The following RPS6KL1 variants were observed in gnomAD, a reference collection of about 807,000 sequenced individuals.
The protein encoded by RPS6KL1 is ribosomal protein S6 kinase like 1.
A neutral mutation model predicts 57.0 loss-of-function variants in RPS6KL1; 41 were observed. That is an observed-to-expected ratio of 0.72 (90% CI 0.56 to 0.93). The LOEUF (loss-of-function observed/expected upper bound fraction) is 0.93, where lower values mean the gene tolerates loss of function less well. Ranked by LOEUF, RPS6KL1 falls within the 40% of genes least tolerant of loss-of-function variation. The pLI, the probability that RPS6KL1 is intolerant of heterozygous loss-of-function variation, is 0.00. For synonymous variants in RPS6KL1, 287 were observed against 309.7 expected (o/e 0.93, Z 0.77); for missense variants, 697 against 727.7 (o/e 0.96, Z 0.49).
rs146184807 is a variant in RPS6KL1, at chr14:74,913,936, G to C, written c.484-2095C>G. 7.2e-5 allele frequency among the ~76,000 whole-genome samples: 11 copies of C among 152,356 alleles called. No homozygotes were observed. In the East Asian group the frequency reaches 2.1e-3, roughly 29 times the overall value. On this transcript the variant is annotated intron_variant, in intron 5 of 11. Transcript: ENST00000557413. ...CCAAAATTCAGGCCTGAGCCTCAGAGAGGTTATGTTGCCTACTGTCCCACT... is the reference window on the plus strand; with the variant it reads ...CCAAAATTCAGGCCTGAGCCTCAGACAGGTTATGTTGCCTACTGTCCCACT...
rs1199128123 is a variant in RPS6KL1, at chr14:74,906,295, AAG to A, written c.*717_*718del. 3.0e-6 allele frequency: 1 copy of A among 333,318 alleles called. No individual in the cohort carries two copies. The highest frequency in any genetic ancestry group is 6.0e-6 in the Non-Finnish European group (1 of 166,404). 20.6% of individuals were successfully genotyped at this position (333,318 alleles called of 1,614,324 possible). A position where few individuals can be genotyped will look rare whatever the true frequency, so the allele number is the denominator to read the frequency against. Reference sequence around the variant, plus strand: ...TTGATTCTGGTTTCAGACTTGCTCTAAGGGGCAGACCCATGCATTCCTTCCTC... The same window carrying A: ...TTGATTCTGGTTTCAGACTTGCTCTAGGGCAGACCCATGCATTCCTTCCTC... On this transcript the variant is annotated 3_prime_UTR_variant, in exon 12 of 12. Transcript: ENST00000557413.
chr14:74,907,298 T>C (rs1594898804), intron 11 of RPS6KL1, 137 bp downstream of exon 11: 4 of 1,430,382 alleles, frequency 2.8e-6, no homozygotes, highest in African/African-American at 2.9e-5. Context: ...CATATAGAAA[T>C]GTGTTGCCCC....
In RPS6KL1 at chr14:74,919,980, C is replaced by G; in HGVS notation, c.266-11G>C. 1 of 1,614,054 alleles carries G rather than the reference C, an allele frequency of 6.2e-7. No individual in the cohort carries two copies. Among genetic ancestry groups the G allele is most frequent in the Non-Finnish European group, 8.5e-7 (1 of 1,179,984 alleles). On this transcript the variant is annotated splice_polypyrimidine_tract_variant and intron_variant, in intron 3 of 11. Coordinates refer to ENST00000557413, the MANE Select transcript of RPS6KL1 (RefSeq NM_031464.5). ...CCTTGTTGGGGTCAACTGTGGGAGA[C>G]AAGAGTCACCAGGGTCCCCAGCCAT...
chr14:74,909,974 G>C lies in RPS6KL1; in HGVS notation c.839C>G (p.Pro280Arg). Residue 280 changes from proline (P) to arginine (R), a missense_variant, in exon 8 of 12, where the codon CCT (proline) becomes CGT (arginine). Physicochemically the swap from Pro to Arg is moderately radical, Grantham distance 103. Transcript: ENST00000557413. ...GAGAAGGTTCGGAGAAGTCCTAGGA[G>C]GCTCCAGGGCGATTCTGTCCTGGCC... ...APGQDRIALEPPRTSPNLLLA... is the reference protein window; with the variant it reads ...APGQDRIALERPRTSPNLLLA... 1 of 1,614,134 alleles carries C rather than the reference G, an allele frequency of 6.2e-7. No homozygotes were observed. The highest frequency in any genetic ancestry group is 8.5e-7 in the Non-Finnish European group (1 of 1,179,984).
rs891924518 is a variant in RPS6KL1 at position 74,906,961 on chromosome 14, G to T, written c.*53C>A. 3.5e-5 allele frequency: 48 copies of T among 1,373,180 alleles called. No individual in the cohort carries two copies. The highest frequency in any genetic ancestry group is 4.0e-5 in the Non-Finnish European group (39 of 968,578). The allele number at this position is 1,373,180 out of a possible 1,614,324, so 85.1% of individuals were successfully genotyped here. The stretch of plus-strand genomic sequence containing the variant: ...AGCCCTGGGTTGGGTGTCAGGCAAG[G>T]AGGAGAGGCGATCCAGACCAGGCCA... On this transcript the variant is annotated 3_prime_UTR_variant, in exon 12 of 12. Coordinates refer to ENST00000557413, the MANE Select transcript of RPS6KL1 (RefSeq NM_031464.5).
rs372377601 is a variant in RPS6KL1 at position 74,906,543 on chromosome 14, A to G, written c.*471T>C. The G allele has an allele frequency of 1.1e-5, 6 of 523,368 alleles. No individual in the cohort carries two copies. The East Asian group carries it at 3.3e-4, about 29-fold the overall frequency. The allele number at this position is 523,368 out of a possible 1,614,324, so 32.4% of individuals were successfully genotyped here. A position where few individuals can be genotyped will look rare whatever the true frequency, so the allele number is the denominator to read the frequency against. ...AAGAGGCCTACTCGCTGTGTGACTAAGAGGACTAGCCAGGACAGTCTGGTT... is the reference window on the plus strand; with the variant it reads ...AAGAGGCCTACTCGCTGTGTGACTAGGAGGACTAGCCAGGACAGTCTGGTT... On this transcript the variant is annotated 3_prime_UTR_variant, in exon 12 of 12. Transcript: ENST00000557413.
rs945584027 is a variant in RPS6KL1 at position 74,905,470 on chromosome 14, G to A, written c.*1544C>T. On this transcript the variant is annotated 3_prime_UTR_variant, in exon 12 of 12. Transcript: ENST00000557413. Reference sequence around the variant, plus strand: ...TTCCCCACAGAACCTGGTCCTCCCCGACCCCACCCCTTCCCCTGAGGCCCA... The same window carrying A: ...TTCCCCACAGAACCTGGTCCTCCCCAACCCCACCCCTTCCCCTGAGGCCCA... 1.1e-4 allele frequency: 16 copies of A among 140,794 alleles called. No individual in the cohort carries two copies. The highest frequency in any genetic ancestry group is 3.9e-4 in the African/African-American group (15 of 38,842). The allele number at this position is 140,794 out of a possible 1,614,324, so 8.7% of individuals were successfully genotyped here.
chr14:74,921,238 T>TGCCCCCCCCCCCCCCC, intron 3 of RPS6KL1, 39 bp downstream of exon 3: 71 of 839,998 alleles, frequency 8.5e-5, no homozygotes, highest in Middle Eastern at 2.6e-4. Flanking sequence ...CACTGGCCCT[T>TGCCCCCCCCCCCCCCC]CCCCACCCAC....
intron 4 of RPS6KL1, 28 bp from the exon 5 acceptor site, chr14:74,918,633 C>G: frequency 6.6e-7 from 1 of 1,511,778 alleles, no homozygotes; most frequent in Non-Finnish European, 8.9e-7. Context: ...AGGCCACACA[C>G]AGCCTCAGGG....
rs572183462 is a variant in RPS6KL1 at position 74,917,410 on chromosome 14, G to T, written c.483+1103C>A. The stretch of plus-strand genomic sequence containing the variant: ...ATCCTCTTGCCTGTGGGAAGTACAG[G>T]ACTGTCTCCTTTTCTCTGTGGGCCC... On this transcript the variant is annotated intron_variant, in intron 5 of 11. Transcript: ENST00000557413. Among the ~76,000 whole-genome samples the T allele has an allele frequency of 2.0e-5, 3 of 152,300 alleles. No individual in the cohort carries two copies. The South Asian group carries it at 6.2e-4, about 32-fold the overall frequency.
rs575711760 is a variant in RPS6KL1, at chr14:74,916,210, T to C, written c.483+2303A>G. Among the ~76,000 whole-genome samples, 40 of 152,302 alleles carry C rather than the reference T, an allele frequency of 2.6e-4. No homozygotes were observed. In the South Asian group the frequency reaches 8.3e-3, roughly 32 times the overall value. On this transcript the variant is annotated intron_variant, in intron 5 of 11. Transcript: ENST00000557413. ...GTGGAATGGAACAAGGGTGACAGTA[T>C]ATCCAAGTCTGGCTGCAGGGACCCA... is the stretch of plus-strand genomic sequence containing the variant.
rs1167086045 is a variant in RPS6KL1 at position 74,906,404 on chromosome 14, GGGGGT to G, written c.*605_*609del. On this transcript the variant is annotated 3_prime_UTR_variant, in exon 12 of 12. Coordinates refer to ENST00000557413, the MANE Select transcript of RPS6KL1 (RefSeq NM_031464.5). The stretch of plus-strand genomic sequence containing the variant: ...AAGATAGGGGGCATGGTCAGGAATC[GGGGGT>G]GGGGGGGTGGGGGTGGGGGTCATCC... 1.7e-5 allele frequency: 5 copies of G among 298,764 alleles called. No individual in the cohort carries two copies. Among genetic ancestry groups the G allele is most frequent in the African/African-American group, 8.4e-5 (2 of 23,680 alleles). 18.5% of individuals were successfully genotyped at this position (298,764 alleles called of 1,614,324 possible).
rs201469026 is a variant in RPS6KL1 at position 74,909,865 on chromosome 14, C to G, written c.948G>C (p.Ser316=). 1 of 1,613,358 alleles carries G rather than the reference C, an allele frequency of 6.2e-7. No homozygotes were observed. Among genetic ancestry groups the G allele is most frequent in the South Asian group, 1.1e-5 (1 of 90,982 alleles). The change falls in exon 8 of 12, where the codon TCG becomes TCC. Residue 316 remains serine (S), a synonymous_variant. Coordinates refer to ENST00000557413, the MANE Select transcript of RPS6KL1 (RefSeq NM_031464.5). ...GGCCACCTGGGGCCTTTGGAAGGTC[C>G]GAGGAGCCAGAGGTGCTGGTCCTGG... ...PTARTSTSGS[S]DLPKAPGGHL...
chr14:74,921,675 G>C (rs904231291), intron 2 of RPS6KL1, 114 bp from the exon 3 acceptor site: 1 of 1,468,764 alleles, frequency 6.8e-7, no homozygotes. Flanking sequence ...AAAGACTGAA[G>C]GGGTCAGAGC....
chr14:74,907,225 T>G (rs1236718284), intron 11 of RPS6KL1, 101 bp from the exon 12 acceptor site: 17 of 1,358,700 alleles, frequency 1.3e-5, no homozygotes, highest in Non-Finnish European at 1.6e-5. Context: ...GCCTGCTCCC[T>G]GGCAGCCTGG....
Position 74,911,220 on chromosome 14 carries a change from G to A in RPS6KL1, c.664+28C>T, listed in dbSNP as rs370728276. The A allele has an allele frequency of 2.5e-6, 4 of 1,606,156 alleles. No individual in the cohort carries two copies. The African/African-American group carries it at 5.3e-5, about 21-fold the overall frequency. On this transcript the variant is annotated intron_variant, in intron 7 of 11. Coordinates refer to ENST00000557413, the MANE Select transcript of RPS6KL1 (RefSeq NM_031464.5). ...ACGACATACCCCAAAGGCCTGGGGA[G>A]CTGACAGGGGGCCCCAGGCCTGCTC... is the stretch of plus-strand genomic sequence containing the variant.
chr14:74,916,257 T>C (rs556272611), intron 5 of RPS6KL1, among the ~76,000 whole-genome samples: 1 of 152,100 alleles, frequency 6.6e-6, no homozygotes, highest in Non-Finnish European at 1.5e-5. Flanking sequence ...AGTAACACCT[T>C]TCCTAATTTG....
chr14:74,908,210 C>T (rs934859322), intron 10 of RPS6KL1, among the ~76,000 whole-genome samples: 9 of 152,210 alleles, frequency 5.9e-5, no homozygotes, highest in African/African-American at 1.4e-4. Context: ...GCATCCATTT[C>T]GGCTATTTCC....
At position 74,904,466 on chromosome 14, in the gene RPS6KL1, A is replaced by T. The variant is rs999676898; in HGVS notation, c.*2548T>A. 3.3e-5 allele frequency: 5 copies of T among 152,176 alleles called. No homozygotes were observed. Among genetic ancestry groups the T allele is most frequent in the Non-Finnish European group, 5.9e-5 (4 of 68,026 alleles). 9.4% of individuals were successfully genotyped at this position (152,176 alleles called of 1,614,324 possible). A position where few individuals can be genotyped will look rare whatever the true frequency, so the allele number is the denominator to read the frequency against. ...TGGCCCGAACTAGCGTTTCAGGTTA[A>T]CTTTGGAATACCCTTGACTGAGACG... On this transcript the variant is annotated 3_prime_UTR_variant, in exon 12 of 12. Transcript: ENST00000557413.
Sources: allele counts gnomAD v4.1 joint callset (sites outside exome capture counted in the v4.1 genomes callset), GRCh38; gene constraint gnomAD v4.1.1; transcripts MANE v1.5; gene names NCBI Gene and HGNC (gene_info 2026-07-23, HGNC 2026-07-21).